Variants in KCNQ3 observed in about 807,000 individuals in gnomAD.
KCNQ3 encodes potassium voltage-gated channel subfamily Q member 3, also known as potassium voltage-gated channel subfamily KQT member 3.
KCNQ3 carries 30 observed loss-of-function variants against 92.5 expected under a neutral mutation model. The ratio of observed to expected loss-of-function variants is 0.32; its 90% CI spans 0.24 to 0.44. The LOEUF (loss-of-function observed/expected upper bound fraction) is 0.44. KCNQ3 is among the 20% of genes least tolerant of loss of function. The pLI, the probability that KCNQ3 is intolerant of heterozygous loss-of-function variation, is 1.00. For missense variants in KCNQ3, 913 were observed against 1,140.3 expected, an observed-to-expected ratio of 0.80 and a Z score of 2.87; for synonymous variants, 450 against 468.8, an observed-to-expected ratio of 0.96 and a Z score of 0.52.
chr8:132,345,200 T>G (rs1013660364), intron 1 of KCNQ3, among the ~76,000 whole-genome samples: 5 of 152,154 alleles, frequency 3.3e-5, no homozygotes, highest in African/African-American at 1.2e-4. Flanking sequence ...GGTGATCTGG[T>G]TAAGTCATGG....
At chr8:132,461,879 T>G (rs193059176) in intron 1 of KCNQ3, among the ~76,000 whole-genome samples, 483 of 152,368 alleles carry the variant, frequency 3.2e-3, no homozygotes, top group African/African-American at 0.011. Flanking sequence ...ATTGTTTTCC[T>G]TATTGTTGAA....
rs1824575192 is a variant in KCNQ3 at position 132,123,835 on chromosome 8, T to A, written c.*5427A>T. 1.3e-5 allele frequency: 2 copies of A among 152,176 alleles called. No individual in the cohort carries two copies. The highest frequency in any genetic ancestry group is 2.9e-5 in the Non-Finnish European group (2 of 68,026). 9.4% of individuals were successfully genotyped at this position (152,176 alleles called of 1,614,324 possible). A position where few individuals can be genotyped will look rare whatever the true frequency, so the allele number is the denominator to read the frequency against. On this transcript the variant is annotated 3_prime_UTR_variant, in exon 15 of 15. Coordinates refer to ENST00000388996, the MANE Select transcript of KCNQ3 (RefSeq NM_004519.4). ...CTATGATAACAAATCAAAATATGAA[T>A]CACAATTTTCTTACAGGGTTGCTGA...
intron 1 of KCNQ3, among the ~76,000 whole-genome samples, chr8:132,247,025 T>C (rs1050293843): frequency 2.6e-5 from 4 of 152,216 alleles, no homozygotes; most frequent in East Asian, 3.8e-4. Context: ...ATTGTTATTA[T>C]ACTTTTCAAC....
chr8:132,242,217 A>G (rs942050811), intron 1 of KCNQ3, among the ~76,000 whole-genome samples: 1 of 152,170 alleles, frequency 6.6e-6, no homozygotes, highest in Non-Finnish European at 1.5e-5. Context: ...GGTATCTAAT[A>G]GCTTTTTACT....
intron 13 of KCNQ3, 26 bp from the exon 14 acceptor site, chr8:132,132,290 A>C: frequency 6.4e-7 from 1 of 1,556,650 alleles, no homozygotes; most frequent in African/African-American, 1.4e-5. Context: ...CACTTCTATA[A>C]GATCATTATA....
At chr8:132,325,522 C>G (rs1818021925) in intron 1 of KCNQ3, among the ~76,000 whole-genome samples, 1 of 152,116 alleles carries the variant, frequency 6.6e-6, no homozygotes, top group Non-Finnish European at 1.5e-5. Flanking sequence ...AAAATGAGTT[C>G]ATTAGGGTGA....
intron 1 of KCNQ3, among the ~76,000 whole-genome samples, chr8:132,310,357 C>T (rs1263178756): frequency 1.3e-5 from 2 of 152,240 alleles, no homozygotes. Flanking sequence ...GCAGGTTTCT[C>T]TCTCTCTCTG....
Position 132,480,682 on chromosome 8 carries a change from A to AAAGCAGGC in KCNQ3, c.-151_-150insGCCTGCTT. On this transcript the variant is annotated 5_prime_UTR_variant, in exon 1 of 15. Transcript: ENST00000388996. ...CGCGCCCCTCCCCACCCCCCCCCAA[A>AAAGCAGGC]AGCAGGCAAAGGCGGGCCCCCTGGG... The AAAGCAGGC allele has an allele frequency of 1.6e-6, 1 of 611,654 alleles. No individual in the cohort carries two copies. Among genetic ancestry groups the AAAGCAGGC allele is most frequent in the Non-Finnish European group, 2.0e-6 (1 of 500,114 alleles). The allele number at this position is 611,654 out of a possible 1,614,324, so 37.9% of individuals were successfully genotyped here. A position where few individuals can be genotyped will look rare whatever the true frequency, so the allele number is the denominator to read the frequency against.
intron 1 of KCNQ3, among the ~76,000 whole-genome samples, chr8:132,352,304 G>A (rs1173488628): frequency 1.3e-5 from 2 of 152,136 alleles, no homozygotes; most frequent in South Asian, 2.1e-4. Flanking sequence ...AGCATTCAGC[G>A]ATGCCTGGAA....
At chr8:132,283,477 T>C (rs1816592308) in intron 1 of KCNQ3, among the ~76,000 whole-genome samples, 1 of 152,258 alleles carries the variant, frequency 6.6e-6, no homozygotes, top group Non-Finnish European at 1.5e-5. Flanking sequence ...AAATGTGATG[T>C]ATTTGTTTCC....
chr8:132,419,068 G>A (rs1007845056), intron 1 of KCNQ3, among the ~76,000 whole-genome samples: 3 of 152,156 alleles, frequency 2.0e-5, no homozygotes, highest in East Asian at 1.9e-4. Flanking sequence ...TGAGAAAAGC[G>A]AGGCAACATC....
chr8:132,193,370 T>G (rs958514779), intron 1 of KCNQ3, among the ~76,000 whole-genome samples: 7 of 152,230 alleles, frequency 4.6e-5, no homozygotes, highest in African/African-American at 1.7e-4. Flanking sequence ...GCTTTGTAGC[T>G]GCACGTGGCT....
At chr8:132,258,434 G>C (rs1331345810) in intron 1 of KCNQ3, among the ~76,000 whole-genome samples, 2 of 151,818 alleles carry the variant, frequency 1.3e-5, no homozygotes, top group Non-Finnish European at 2.9e-5. Context: ...AAAATCACAA[G>C]GGAAATTAGA....
chr8:132,215,079 C>T (rs1339134024), intron 1 of KCNQ3, among the ~76,000 whole-genome samples: 1 of 152,180 alleles, frequency 6.6e-6, no homozygotes, highest in East Asian at 1.9e-4. Context: ...TTCCCCCTGG[C>T]TGGAGAAGGC....
chr8:132,342,062 T>C (rs774258954), intron 1 of KCNQ3, among the ~76,000 whole-genome samples: 1 of 152,166 alleles, frequency 6.6e-6, no homozygotes, highest in Non-Finnish European at 1.5e-5. Flanking sequence ...TATTGATCCA[T>C]CAATCATTGC....
intron 1 of KCNQ3, among the ~76,000 whole-genome samples, chr8:132,234,405 T>C (rs1814743419): frequency 6.7e-6 from 1 of 149,040 alleles, no homozygotes; most frequent in African/African-American, 2.5e-5. Flanking sequence ...AAGGATTCTT[T>C]CCAAATTTGG....
At chr8:132,144,732 A>C (rs1048149326) in intron 9 of KCNQ3, among the ~76,000 whole-genome samples, 3 of 152,160 alleles carry the variant, frequency 2.0e-5, no homozygotes, top group Non-Finnish European at 4.4e-5. Context: ...AGTGTTTTGC[A>C]TGTGCTGTGA....
intron 1 of KCNQ3, among the ~76,000 whole-genome samples, chr8:132,461,310 T>A (rs1822054017): frequency 6.6e-6 from 1 of 152,164 alleles, no homozygotes; most frequent in African/African-American, 2.4e-5. Flanking sequence ...ACACCTGTAA[T>A]CCCAGCACTT....
chr8:132,392,359 C>G (rs528479176), intron 1 of KCNQ3, among the ~76,000 whole-genome samples: 5 of 152,230 alleles, frequency 3.3e-5, no homozygotes, highest in African/African-American at 1.2e-4. Context: ...GCCCAGTACT[C>G]TCTGATTTCA....
Sources: gnomAD v4.1 joint callset for allele counts (sites outside exome capture counted in the v4.1 genomes callset) on GRCh38, gnomAD v4.1.1 for gene constraint, MANE v1.5 for transcripts, NCBI Gene and HGNC (gene_info 2026-07-23, HGNC 2026-07-21) for gene names.